GRID2: variants seen among roughly 807,000 people sequenced by gnomAD.
GRID2 encodes the protein glutamate receptor ionotropic, delta-2.
Under a neutral mutation model 114.8 loss-of-function variants are expected in GRID2, and 33 were observed. That is an observed-to-expected ratio of 0.29 (90% confidence interval 0.22 to 0.38). The LOEUF is 0.38. Ranked by LOEUF, GRID2 falls within the 10% of genes least tolerant of loss-of-function variation. The pLI is 1.00. For missense variants in GRID2, 1,184 were observed against 1,257.7 expected (o/e 0.94, Z 0.89); for synonymous variants, 505 against 449.9 (o/e 1.12, Z -1.55).
chr4:93,217,023 T>A, intron 6 of GRID2, 112 bp downstream of exon 6: 1 of 674,758 alleles, frequency 1.5e-6, no homozygotes. Flanking sequence ...TCTGAACAAT[T>A]CTCCTCCAGC....
chr4:93,292,752 GACCATTACTGAA>G (rs1753880998), intron 8 of GRID2, among the ~76,000 whole-genome samples: 1 of 152,146 alleles, frequency 6.6e-6, no homozygotes, highest in Admixed American at 6.5e-5. Context: ...TTAAGAAAGA[GACCATTACTGAA>G]ACATAAAGTT....
intron 2 of GRID2, among the ~76,000 whole-genome samples, chr4:92,893,091 T>A (rs1746901149): frequency 6.6e-6 from 1 of 152,206 alleles, no homozygotes; most frequent in Non-Finnish European, 1.5e-5. Flanking sequence ...TTTCTTGGAC[T>A]TGTATTTACT....
intron 10 of GRID2, among the ~76,000 whole-genome samples, chr4:93,447,382 GA>G (rs1486439715): frequency 5.3e-5 from 8 of 151,774 alleles, no homozygotes; most frequent in Non-Finnish European, 1.2e-4. Flanking sequence ...TAATTGAAGG[GA>G]AAAAACAGTT....
At position 93,681,922 on chromosome 4, in the gene GRID2, TG is replaced by T. The variant is rs982478490; in HGVS notation, c.2360+55488del. 6.7e-4 allele frequency among the ~76,000 whole-genome samples: 101 copies of T among 151,108 alleles called. 1 individual carries two copies. In the Middle Eastern group the frequency reaches 0.021, roughly 31 times the overall value. On this transcript the variant is annotated intron_variant, in intron 14 of 15. Transcript: ENST00000282020. ...AAGCAATGGCAACAAAAGCCAAAAT[TG>T]ACGAATGGGATCTCATTAAACTAAA...
At chr4:93,581,609 A>G (rs1295561570) in intron 13 of GRID2, among the ~76,000 whole-genome samples, 1 of 152,186 alleles carries the variant, frequency 6.6e-6, no homozygotes, top group Non-Finnish European at 1.5e-5. Flanking sequence ...TCATGTACAG[A>G]TGAGAAAATT....
chr4:92,950,684 G>C (rs2149133720), intron 2 of GRID2, among the ~76,000 whole-genome samples: 1 of 152,182 alleles, frequency 6.6e-6, no homozygotes, highest in East Asian at 1.9e-4. Flanking sequence ...CAAATCATCA[G>C]CCATGAAAAT....
chr4:93,085,394 C>T (rs760629306), intron 3 of GRID2, 115 bp downstream of exon 3: 77 of 806,916 alleles, frequency 9.5e-5, no homozygotes, highest in Non-Finnish European at 1.4e-4. Flanking sequence ...GTTTTCTTGT[C>T]TTGTCATATT....
chr4:92,332,821 G>C (rs1726965554), intron 1 of GRID2, among the ~76,000 whole-genome samples: 2 of 152,192 alleles, frequency 1.3e-5, no homozygotes, highest in African/African-American at 2.4e-5. Context: ...TCTTAAAGCT[G>C]TGGAATAATC....
At chr4:92,326,017 T>G (rs1726577558) in intron 1 of GRID2, among the ~76,000 whole-genome samples, 1 of 151,702 alleles carries the variant, frequency 6.6e-6, no homozygotes, top group African/African-American at 2.4e-5. Context: ...ATTCTACACA[T>G]GAAAAGTATG....
At chr4:93,529,042 G>A (rs1186891370) in intron 13 of GRID2, among the ~76,000 whole-genome samples, 2 of 152,102 alleles carry the variant, frequency 1.3e-5, no homozygotes, top group Non-Finnish European at 2.9e-5. Flanking sequence ...CTTAATTCTG[G>A]TCACTTGCTC....
At chr4:92,711,565 A>G (rs1735251316) in intron 2 of GRID2, among the ~76,000 whole-genome samples, 1 of 152,090 alleles carries the variant, frequency 6.6e-6, no homozygotes, top group African/African-American at 2.4e-5. Flanking sequence ...TCACACTTCA[A>G]ACATCTGTAT....
chr4:93,500,738 A>G (rs931938641), intron 12 of GRID2, among the ~76,000 whole-genome samples: 5 of 152,036 alleles, frequency 3.3e-5, no homozygotes, highest in African/African-American at 1.2e-4. Context: ...TTAGCTAGTG[A>G]CTAACTAGCA....
intron 2 of GRID2, among the ~76,000 whole-genome samples, chr4:92,727,296 A>G (rs1736114844): frequency 6.6e-6 from 1 of 152,098 alleles, no homozygotes; most frequent in Non-Finnish European, 1.5e-5. Flanking sequence ...CTAACAGAAT[A>G]AATCTCAATA....
At chr4:92,625,495 A>C (rs1730474350) in intron 2 of GRID2, among the ~76,000 whole-genome samples, 1 of 151,840 alleles carries the variant, frequency 6.6e-6, no homozygotes. Flanking sequence ...GAACCAGGGA[A>C]ATAGTGTTTC....
intron 14 of GRID2, among the ~76,000 whole-genome samples, chr4:93,763,631 G>A (rs1028759967): frequency 2.6e-5 from 4 of 152,128 alleles, no homozygotes; most frequent in Non-Finnish European, 5.9e-5. Context: ...TGAGTTCTAA[G>A]CCCAATTCAA....
chr4:93,597,955 T>C (rs1450779683), intron 13 of GRID2, among the ~76,000 whole-genome samples: 3 of 152,214 alleles, frequency 2.0e-5, no homozygotes, highest in South Asian at 2.1e-4. Flanking sequence ...TTGAAAGCTT[T>C]CTGTTAGATA....
chr4:92,395,436 C>A (rs1043829480), intron 1 of GRID2, among the ~76,000 whole-genome samples: 1 of 151,378 alleles, frequency 6.6e-6, no homozygotes, highest in South Asian at 2.1e-4. Context: ...CTTGCGAAAC[C>A]CTTCATTACT....
rs111830686 is a variant in GRID2, at chr4:92,453,739, C to T, written c.89-136392C>T. ...TTTATCATCCAGAAATTAAATTTTACGGCTTACCTTTTAATTTTCCTCTCA... is the reference window on the plus strand; with the variant it reads ...TTTATCATCCAGAAATTAAATTTTATGGCTTACCTTTTAATTTTCCTCTCA... On this transcript the variant is annotated intron_variant, in intron 1 of 15. Transcript: ENST00000282020. Among the ~76,000 whole-genome samples, 20 of 152,168 alleles carry T rather than the reference C, an allele frequency of 1.3e-4. 1 individual carries two copies. Among genetic ancestry groups the T allele is most frequent in the Non-Finnish European group, 2.2e-4 (15 of 67,974 alleles).
intron 2 of GRID2, among the ~76,000 whole-genome samples, chr4:92,647,271 T>A: frequency 6.6e-6 from 1 of 152,162 alleles, no homozygotes; most frequent in Non-Finnish European, 1.5e-5. Flanking sequence ...AACCACACAG[T>A]AAAATTATAT....
Sources: gnomAD v4.1 joint callset for allele counts (sites outside exome capture counted in the v4.1 genomes callset) on GRCh38, gnomAD v4.1.1 for gene constraint, MANE v1.5 for transcripts, NCBI Gene and HGNC (gene_info 2026-07-23, HGNC 2026-07-21) for gene names.